SLC10A6: variants seen among roughly 807,000 people sequenced by gnomAD.
SLC10A6 encodes the protein sodium-dependent organic anion transporter.
In SLC10A6, 27 loss-of-function variants were observed where a neutral mutation model predicts 30.0. The observed-to-expected ratio is 0.90, with a 90% CI of 0.66 to 1.24. The LOEUF (loss-of-function observed/expected upper bound fraction) is 1.24, where lower values mean the gene tolerates loss of function less well. Among genes scored for constraint, SLC10A6 ranks in the 50% most tolerant of loss-of-function variants. The pLI, the probability that SLC10A6 is intolerant of heterozygous loss-of-function variation, is 0.00. For synonymous variants in SLC10A6, 166 were observed against 173.8 expected (o/e 0.95, Z 0.36); for missense variants, 439 against 457.0 (o/e 0.96, Z 0.36).
At chr4:86,831,380 G>GGGGT (rs1560458852) in intron 3 of SLC10A6, among the ~76,000 whole-genome samples, 2 of 152,184 alleles carry the variant, frequency 1.3e-5, no homozygotes, top group Non-Finnish European at 2.9e-5. Context: ...CTGCAAGACA[G>GGGGT]CCCTTCCTCC....
rs768288849 is a variant in SLC10A6 at position 86,828,176 on chromosome 4, A to G, written c.586-8T>C. The G allele has an allele frequency of 1.2e-6, 2 of 1,607,910 alleles. No individual in the cohort carries two copies. The highest frequency in any genetic ancestry group is 1.7e-6 in the Non-Finnish European group (2 of 1,178,294). ...ACCAACAACGGCCCCAATCTGAAGCAAACAATAAAATAAGTGAATATAAAC... is the reference window on the plus strand; with the variant it reads ...ACCAACAACGGCCCCAATCTGAAGCGAACAATAAAATAAGTGAATATAAAC... On this transcript the variant is annotated splice_region_variant and splice_polypyrimidine_tract_variant and intron_variant, in intron 3 of 5. Transcript: ENST00000273905.
At position 86,827,440 on chromosome 4, in the gene SLC10A6, C is replaced by T. The variant is rs186991145; in HGVS notation, c.761+553G>A. 8.4e-4 allele frequency among the ~76,000 whole-genome samples: 128 copies of T among 152,236 alleles called. 1 individual carries two copies. The highest frequency in any genetic ancestry group is 3.0e-3 in the African/African-American group (123 of 41,548). ...GCTTTACCGGGCGCTTAGTACAACC[C>T]TAAATGTTCCCCAAGTGGATTAGAA... On this transcript the variant is annotated intron_variant, in intron 4 of 5. Transcript: ENST00000273905.
chr4:86,833,407 C>G lies in SLC10A6; in HGVS notation c.395G>C (p.Cys132Ser). ...DMDLSISMTT[C>S]STVAALGMMP... is the part of the protein sequence containing the mutation. Reference sequence around the variant, plus strand: ...CATTCCCAGGGCGGCCACGGTGGAACAGGTTGTCATACTGATGCTGAAAGT... The same window carrying G: ...CATTCCCAGGGCGGCCACGGTGGAAGAGGTTGTCATACTGATGCTGAAAGT... The change falls in exon 2 of 6, where the codon TGT (cysteine) becomes TCT (serine). Residue 132 changes from cysteine (C) to serine (S), a missense_variant. Physicochemically the swap from Cys to Ser is moderately radical, Grantham distance 112. Transcript: ENST00000273905. The G allele has an allele frequency of 6.2e-7, 1 of 1,613,750 alleles. No individual in the cohort carries two copies. The highest frequency in any genetic ancestry group is 8.5e-7 in the Non-Finnish European group (1 of 1,179,704).
chr4:86,831,944 A>T (rs1381473140), intron 2 of SLC10A6, 64 bp from the exon 3 acceptor site: 2 of 1,298,024 alleles, frequency 1.5e-6, no homozygotes, highest in Non-Finnish European at 1.1e-6. Flanking sequence ...GTACTTCCCA[A>T]CAACTTCTAT....
At chr4:86,837,978 G>A (rs1045298226) in intron 1 of SLC10A6, among the ~76,000 whole-genome samples, 3 of 152,148 alleles carry the variant, frequency 2.0e-5, no homozygotes, top group African/African-American at 7.2e-5. Context: ...CAAGTCATCT[G>A]TCACTCTTCC....
intron 3 of SLC10A6, 79 bp from the exon 4 acceptor site, chr4:86,828,247 A>G (rs1447213086): frequency 2.1e-6 from 3 of 1,441,538 alleles, no homozygotes; most frequent in Non-Finnish European, 2.8e-6. Context: ...AGGTTGTAAA[A>G]TGCTTGGGAT....
intron 1 of SLC10A6, among the ~76,000 whole-genome samples, chr4:86,836,477 G>T (rs1746187058): frequency 6.6e-6 from 1 of 152,090 alleles, no homozygotes; most frequent in Non-Finnish European, 1.5e-5. Context: ...TATTTTAAGA[G>T]GACTCCACCA....
intron 1 of SLC10A6, among the ~76,000 whole-genome samples, chr4:86,834,501 G>A (rs1746146781): frequency 6.6e-6 from 1 of 152,046 alleles, no homozygotes; most frequent in Non-Finnish European, 1.5e-5. Context: ...ATATCACATT[G>A]ATTTTTCTGT....
rs1746444577 is a variant in SLC10A6, at chr4:86,849,244, A to C, written c.-129T>G. The C allele has an allele frequency of 7.8e-6, 9 of 1,148,868 alleles. No homozygotes were observed. In the East Asian group the frequency reaches 1.9e-4, roughly 24 times the overall value. 71.2% of individuals were successfully genotyped at this position (1,148,868 alleles called of 1,614,324 possible). ...AGAATCATTCCAATAACTGTTGGCCAGCAAGGTGATTCATCCTAATCTGAT... is the reference window on the plus strand; with the variant it reads ...AGAATCATTCCAATAACTGTTGGCCCGCAAGGTGATTCATCCTAATCTGAT... On this transcript the variant is annotated 5_prime_UTR_variant, in exon 1 of 6. Coordinates refer to ENST00000273905, the MANE Select transcript of SLC10A6 (RefSeq NM_197965.3).
Position 86,849,024 on chromosome 4 carries a change from T to A in SLC10A6, c.92A>T (p.Glu31Val), listed in dbSNP as rs1298280624. 6.2e-7 allele frequency: 1 copy of A among 1,614,066 alleles called. No individual in the cohort carries two copies. The highest frequency in any genetic ancestry group is 8.5e-7 in the Non-Finnish European group (1 of 1,179,994). The change falls in exon 1 of 6, where the codon GAG becomes GTG. Residue 31 changes from glutamate to valine, a missense_variant. Transcript: ENST00000273905. ...PVGLEVHGNL[E>V]LVFTVVSTVM... ...AGTGGACACCACTGTGAAAACGAGC[T>A]CCAGGTTTCCATGCACCTCCAGTCC...
At chr4:86,825,229 A>G (rs1432703419) in intron 5 of SLC10A6, among the ~76,000 whole-genome samples, 191 bp downstream of exon 5, 1 of 152,090 alleles carries the variant, frequency 6.6e-6, no homozygotes, top group African/African-American at 2.4e-5. Flanking sequence ...GGCTTTTTAT[A>G]TTTTTCTGTG....
At chr4:86,838,332 G>C (rs1386855753) in intron 1 of SLC10A6, among the ~76,000 whole-genome samples, 1 of 152,196 alleles carries the variant, frequency 6.6e-6, no homozygotes, top group Non-Finnish European at 1.5e-5. Flanking sequence ...ATCTGTGCCA[G>C]AGTGAGTGGC....
At position 86,833,395 on chromosome 4, in the gene SLC10A6, G is replaced by C; in HGVS notation, c.407C>G (p.Ala136Gly). Residue 136 changes from alanine (A) to glycine (G), a missense_variant, in exon 2 of 6, where the codon GCC becomes GGC. Coordinates refer to ENST00000273905, the MANE Select transcript of SLC10A6 (RefSeq NM_197965.3). ...SISMTTCSTV[A>G]ALGMMPLCIY... is the part of the protein sequence containing the mutation. ...GCAGAGTGGCATCATTCCCAGGGCG[G>C]CCACGGTGGAACAGGTTGTCATACT... 1.9e-6 allele frequency: 3 copies of C among 1,613,938 alleles called. No individual in the cohort carries two copies. The highest frequency in any genetic ancestry group is 2.5e-6 in the Non-Finnish European group (3 of 1,179,894).
intron 3 of SLC10A6, 103 bp downstream of exon 3, chr4:86,831,689 G>A (rs1746083404): frequency 2.3e-6 from 2 of 887,740 alleles, no homozygotes; most frequent in Non-Finnish European, 3.7e-6. Flanking sequence ...TTCTGGGTGT[G>A]GGGCCGTACT....
At chr4:86,846,819 C>A (rs1038240605) in intron 1 of SLC10A6, among the ~76,000 whole-genome samples, 5 of 151,808 alleles carry the variant, frequency 3.3e-5, no homozygotes, top group African/African-American at 1.2e-4. Context: ...TAAATTTAAC[C>A]CCATTTTGCC....
At chr4:86,833,207 C>A in intron 2 of SLC10A6, 99 bp downstream of exon 2, 1 of 952,410 alleles carries the variant, frequency 1.0e-6, no homozygotes, top group Non-Finnish European at 1.6e-6. Context: ...TAAGTACTAC[C>A]AAAAAAATCC....
chr4:86,837,035 C>T (rs113210138), intron 1 of SLC10A6, among the ~76,000 whole-genome samples: 5,363 of 151,622 alleles, frequency 0.035, 127 homozygotes, highest in Non-Finnish European at 0.049. Context: ...TGAGCCACCA[C>T]GCCCGGCCAT....
chr4:86,847,452 TA>T (rs2149414508), intron 1 of SLC10A6, among the ~76,000 whole-genome samples: 1 of 152,354 alleles, frequency 6.6e-6, no homozygotes, highest in East Asian at 1.9e-4. Flanking sequence ...CAATGTATAT[TA>T]ATGGCTTTTA....
intron 1 of SLC10A6, among the ~76,000 whole-genome samples, chr4:86,837,188 C>A: frequency 7.6e-6 from 1 of 131,550 alleles, no homozygotes. Context: ...GGAAGAAGAG[C>A]CCATGGTGCA....
Sources: allele counts gnomAD v4.1 joint callset (sites outside exome capture counted in the v4.1 genomes callset), GRCh38; gene constraint gnomAD v4.1.1; transcripts MANE v1.5; gene names NCBI Gene and HGNC (gene_info 2026-07-23, HGNC 2026-07-21).